Variants in PDS5B observed in about 807,000 individuals in gnomAD.
The protein encoded by PDS5B is PDS5 cohesin associated factor B.
Under a neutral mutation model 184.1 loss-of-function variants are expected in PDS5B, and 51 were observed. The observed-to-expected ratio is 0.28, with a 90% confidence interval of 0.22 to 0.35. The LOEUF (loss-of-function observed/expected upper bound fraction) is 0.35, where lower values mean the gene tolerates loss of function less well. PDS5B is among the 10% of genes least tolerant of loss of function. The probability of loss-of-function intolerance (pLI) is 1.00; values close to 1 mark genes in which losing one functional copy is unlikely to be tolerated. For missense variants in PDS5B, 1,180 were observed against 1,723.3 expected, an observed-to-expected ratio of 0.68 and a Z score of 5.58; for synonymous variants, 566 against 569.2, an observed-to-expected ratio of 0.99 and a Z score of 0.08.
At chr13:32,712,181 T>G (rs1952230239) in intron 19 of PDS5B, among the ~76,000 whole-genome samples, 2 of 152,280 alleles carry the variant, frequency 1.3e-5, no homozygotes, top group African/African-American at 4.8e-5. Flanking sequence ...CATGGTTTGA[T>G]ATATTTGTAG....
intron 10 of PDS5B, 108 bp downstream of exon 10, chr13:32,679,037 C>A: frequency 1.8e-6 from 1 of 555,594 alleles, no homozygotes; most frequent in Non-Finnish European, 3.2e-6. Flanking sequence ...TAGGTGAAGT[C>A]TTGTTTTAGT....
chr13:32,600,475 A>T (rs539305513), intron 1 of PDS5B, among the ~76,000 whole-genome samples: 15 of 152,356 alleles, frequency 9.8e-5, no homozygotes, highest in Admixed American at 2.0e-4. Flanking sequence ...GTGGTGGCTC[A>T]TGCTTGTAAT....
chr13:32,635,225 G>T (rs1593299516), intron 1 of PDS5B, among the ~76,000 whole-genome samples: 1 of 102,784 alleles, frequency 9.7e-6, no homozygotes, highest in African/African-American at 3.6e-5. Flanking sequence ...TGTGGAGATG[G>T]GGGGGTCTCA....
chr13:32,775,632 C>T lies in PDS5B; in HGVS notation c.*580C>T, dbSNP rs1954932285. 8 of 456,038 alleles carry T rather than the reference C, an allele frequency of 1.8e-5. No homozygotes were observed. The Admixed American group carries it at 1.9e-4, about 11-fold the overall frequency. The allele number at this position is 456,038 out of a possible 1,614,324, so 28.2% of individuals were successfully genotyped here. A position where few individuals can be genotyped will look rare whatever the true frequency, so the allele number is the denominator to read the frequency against. On this transcript the variant is annotated 3_prime_UTR_variant, in exon 35 of 35. Coordinates refer to ENST00000315596, the MANE Select transcript of PDS5B (RefSeq NM_015032.4). ...TTAATCTTCAGAGGTGCTAAATTGT[C>T]TGCCATTACACCAGAAGGATGCCTC...
chr13:32,703,255 A>AT (rs952059001), intron 17 of PDS5B, among the ~76,000 whole-genome samples: 14 of 152,042 alleles, frequency 9.2e-5, no homozygotes, highest in African/African-American at 1.4e-4. Flanking sequence ...AACTTTGGAA[A>AT]TTTTTTTTAC....
chr13:32,637,703 G>GA (rs2058586109), intron 1 of PDS5B, among the ~76,000 whole-genome samples: 1 of 152,100 alleles, frequency 6.6e-6, no homozygotes, highest in African/African-American at 2.4e-5. Context: ...AGTAAGGTAG[G>GA]AAAAAATCAG....
chr13:32,712,563 TTTAAGTAAAG>T (rs1952241549), intron 19 of PDS5B, among the ~76,000 whole-genome samples: 1 of 152,194 alleles, frequency 6.6e-6, no homozygotes, highest in African/African-American at 2.4e-5. Context: ...GAAAAATGTA[TTTAAGTAAAG>T]CTACCACCAA....
At position 32,758,075 on chromosome 13, in the gene PDS5B, T is replaced by G. The variant is rs770774857; in HGVS notation, c.3057-12T>G. ...TCTTCTATATTTCTTTTTTCCTTTT[T>G]TTTTTTTTTAGATGTCTTTGGTTTG... On this transcript the variant is annotated splice_polypyrimidine_tract_variant and intron_variant, in intron 26 of 34. Coordinates refer to ENST00000315596, the MANE Select transcript of PDS5B (RefSeq NM_015032.4). 28 of 1,260,778 alleles carry G rather than the reference T, an allele frequency of 2.2e-5. No individual in the cohort carries two copies. The highest frequency in any genetic ancestry group is 3.2e-5 in the Admixed American group (1 of 30,790). The allele number at this position is 1,260,778 out of a possible 1,614,324, so 78.1% of individuals were successfully genotyped here.
At chr13:32,604,001 T>C (rs998413447) in intron 1 of PDS5B, among the ~76,000 whole-genome samples, 1 of 152,370 alleles carries the variant, frequency 6.6e-6, no homozygotes, top group African/African-American at 2.4e-5. Flanking sequence ...TTTCTAAATA[T>C]ACAGTCATGT....
At chr13:32,615,077 C>G (rs146054091) in intron 1 of PDS5B, among the ~76,000 whole-genome samples, 1 of 152,150 alleles carries the variant, frequency 6.6e-6, no homozygotes, top group Non-Finnish European at 1.5e-5. Flanking sequence ...ACCACAGAAC[C>G]ACCTCCGTTG....
intron 11 of PDS5B, among the ~76,000 whole-genome samples, chr13:32,686,527 T>A (rs1208764528): frequency 6.6e-6 from 1 of 152,212 alleles, no homozygotes; most frequent in Non-Finnish European, 1.5e-5. Flanking sequence ...CTCACGCCTG[T>A]AATCCCAGCA....
chr13:32,768,957 A>G (rs1954683895), intron 31 of PDS5B, among the ~76,000 whole-genome samples: 1 of 148,200 alleles, frequency 6.7e-6, no homozygotes, highest in Admixed American at 6.7e-5. Context: ...CAAAAAAAAA[A>G]AAAAAAAAAA....
intron 10 of PDS5B, 63 bp downstream of exon 10, chr13:32,678,992 ATAGGGGGAAAAAAAACC>A: frequency 1.1e-6 from 1 of 878,190 alleles, no homozygotes; most frequent in Non-Finnish European, 1.8e-6. Flanking sequence ...AATAAGTTTC[ATAGGGGGAAAAAAAACC>A]CCTTTTTTCG....
chr13:32,599,864 G>A (rs1424503365), intron 1 of PDS5B, among the ~76,000 whole-genome samples: 7 of 152,048 alleles, frequency 4.6e-5, no homozygotes, highest in African/African-American at 9.7e-5. Flanking sequence ...GCAGTGAGCC[G>A]AGATCGTGCC....
chr13:32,762,751 T>C (rs1954452104), intron 30 of PDS5B, among the ~76,000 whole-genome samples: 1 of 152,178 alleles, frequency 6.6e-6, no homozygotes, highest in African/African-American at 2.4e-5. Context: ...CTTTTTACTG[T>C]CATCATTTAG....
chr13:32,718,392 C>T (rs1040902831), intron 19 of PDS5B, among the ~76,000 whole-genome samples: 7 of 152,146 alleles, frequency 4.6e-5, no homozygotes, highest in Admixed American at 2.0e-4. Context: ...CCTTGTGATC[C>T]GCCTGCCTCG....
intron 6 of PDS5B, among the ~76,000 whole-genome samples, chr13:32,663,416 CTTTAT>C (rs1950702826): frequency 1.3e-5 from 2 of 151,458 alleles, no homozygotes; most frequent in African/African-American, 4.9e-5. Flanking sequence ...ACCAAATTGG[CTTTAT>C]TTTAGGAATA....
At chr13:32,690,426 A>T (rs922150550) in intron 13 of PDS5B, 3 of 152,154 alleles carry the variant, frequency 2.0e-5, no homozygotes, top group African/African-American at 7.2e-5. Flanking sequence ...GTAAGTAATG[A>T]GTATGAAGGT....
At position 32,692,415 on chromosome 13, in the gene PDS5B, C is replaced by A. The variant is rs634120; in HGVS notation, c.1470-1808C>A. Among the ~76,000 whole-genome samples the A allele has an allele frequency of 5.4e-4, 29 of 53,820 alleles. 1 individual carries two copies. The highest frequency in any genetic ancestry group is 2.0e-3 in the African/African-American group (28 of 13,998). 35.3% of individuals were successfully genotyped at this position (53,820 alleles called of 152,430 possible). A position where few individuals can be genotyped will look rare whatever the true frequency, so the allele number is the denominator to read the frequency against. On this transcript the variant is annotated intron_variant, in intron 13 of 34. Transcript: ENST00000315596. ...TTAAACAAGTTTGCGTCCAAAAAGC[C>A]TTTTTTTTTTTTTTTTTTTTTTTTT...
Sources: gnomAD v4.1 joint callset for allele counts (sites outside exome capture counted in the v4.1 genomes callset) on GRCh38, gnomAD v4.1.1 for gene constraint, MANE v1.5 for transcripts, NCBI Gene and HGNC (gene_info 2026-07-23, HGNC 2026-07-21) for gene names.